The following COMMD10 variants were observed in gnomAD, a reference collection of about 807,000 sequenced individuals.
The protein encoded by COMMD10 is COMM domain containing 10.
COMMD10 carries 33 observed loss-of-function variants against 28.9 expected under a neutral mutation model. The observed-to-expected ratio is 1.14, with a 90% CI of 0.87 to 1.53. The LOEUF (loss-of-function observed/expected upper bound fraction) is 1.53. Among genes scored for constraint, COMMD10 ranks in the 40% most tolerant of loss-of-function variants. The pLI, the probability that COMMD10 is intolerant of heterozygous loss-of-function variation, is 0.00. For missense variants in COMMD10, 310 were observed against 233.4 expected, an observed-to-expected ratio of 1.33 and a Z score of -2.14; for synonymous variants, 110 against 81.7, an observed-to-expected ratio of 1.35 and a Z score of -1.87.
At chr5:116,275,156 C>T (rs1226022271) in intron 5 of COMMD10, among the ~76,000 whole-genome samples, 3 of 151,834 alleles carry the variant, frequency 2.0e-5, no homozygotes, top group Non-Finnish European at 4.4e-5. Context: ...CCTAACTCTT[C>T]ATCTCACCCA....
intron 5 of COMMD10, among the ~76,000 whole-genome samples, chr5:116,256,602 A>G (rs1750292330): frequency 6.6e-6 from 1 of 151,722 alleles, no homozygotes. Context: ...CTTATCCAAA[A>G]TGGTTGGAAC....
At chr5:116,259,963 T>G (rs1362127500) in intron 5 of COMMD10, among the ~76,000 whole-genome samples, 5 of 151,838 alleles carry the variant, frequency 3.3e-5, no homozygotes, top group Admixed American at 2.6e-4. Flanking sequence ...GCCTTTAAAC[T>G]AATCACATCT....
chr5:116,282,947 A>G (rs1393460155), intron 5 of COMMD10, among the ~76,000 whole-genome samples: 1 of 151,982 alleles, frequency 6.6e-6, no homozygotes, highest in Non-Finnish European at 1.5e-5. Flanking sequence ...CGAGGAATAA[A>G]CATGTACACA....
chr5:116,136,577 G>C (rs374333754), intron 5 of COMMD10, among the ~76,000 whole-genome samples: 1 of 152,270 alleles, frequency 6.6e-6, no homozygotes, highest in African/African-American at 2.4e-5. Flanking sequence ...GTATGCCTAT[G>C]TGTCTGTTAT....
intron 5 of COMMD10, among the ~76,000 whole-genome samples, chr5:116,260,032 A>AT (rs1162198050): frequency 2.0e-5 from 3 of 151,612 alleles, no homozygotes; most frequent in Non-Finnish European, 4.4e-5. Flanking sequence ...CAGTGGTATT[A>AT]TTTTCCTGCA....
At chr5:116,115,037 C>G (rs1381679705) in intron 4 of COMMD10, among the ~76,000 whole-genome samples, 6 of 152,120 alleles carry the variant, frequency 3.9e-5, no homozygotes, top group Admixed American at 1.3e-4. Context: ...TTGAGTTACT[C>G]TGATACTTAG....
chr5:116,143,295 G>T (rs539053058), intron 5 of COMMD10, among the ~76,000 whole-genome samples: 3 of 151,394 alleles, frequency 2.0e-5, no homozygotes, highest in African/African-American at 4.8e-5. Context: ...CAAAAATACT[G>T]TTTCAGATGC....
intron 5 of COMMD10, among the ~76,000 whole-genome samples, chr5:116,226,605 G>T (rs1483762409): frequency 6.6e-6 from 1 of 151,500 alleles, no homozygotes; most frequent in African/African-American, 2.4e-5. Flanking sequence ...TGGGGGACTT[G>T]GGACTAAAAA....
At chr5:116,258,447 T>G (rs37183) in intron 5 of COMMD10, among the ~76,000 whole-genome samples, 31,450 of 147,964 alleles carry the variant, frequency 0.21, 3,528 homozygotes, top group Admixed American at 0.31. Flanking sequence ...TTCTCTGGAT[T>G]GATTTTTTTT....
intron 4 of COMMD10, among the ~76,000 whole-genome samples, chr5:116,132,905 C>G (rs915386789): frequency 1.3e-5 from 2 of 151,880 alleles, no homozygotes; most frequent in Non-Finnish European, 2.9e-5. Flanking sequence ...TTCTTTTTAC[C>G]CATAACCTCT....
Position 116,260,477 on chromosome 5 carries a change from T to C in COMMD10, c.511-31040T>C, listed in dbSNP as rs1345238830. Among the ~76,000 whole-genome samples the C allele has an allele frequency of 3.3e-5, 5 of 151,992 alleles. No individual in the cohort carries two copies. In the South Asian group the frequency reaches 6.2e-4, roughly 19 times the overall value. On this transcript the variant is annotated intron_variant, in intron 5 of 6. Coordinates refer to ENST00000274458, the MANE Select transcript of COMMD10 (RefSeq NM_016144.4). ...AGTGTGGACCCATTTAAAGTAGGCATGTTATTTTCAAAAGTGCCATGGCAT... is the reference window on the plus strand; with the variant it reads ...AGTGTGGACCCATTTAAAGTAGGCACGTTATTTTCAAAAGTGCCATGGCAT...
chr5:116,085,809 A>T (rs1396812625), intron 1 of COMMD10, among the ~76,000 whole-genome samples: 1 of 152,206 alleles, frequency 6.6e-6, no homozygotes, highest in Non-Finnish European at 1.5e-5. Context: ...TAGGCAAAAT[A>T]GTGTTCGGAA....
chr5:116,203,231 G>A (rs1748718562), intron 5 of COMMD10, among the ~76,000 whole-genome samples: 1 of 152,048 alleles, frequency 6.6e-6, no homozygotes, highest in South Asian at 2.1e-4. Context: ...CAAGAAATAT[G>A]GGACTATGTG....
chr5:116,149,914 G>A (rs62385210), intron 5 of COMMD10, among the ~76,000 whole-genome samples: 47,466 of 151,494 alleles, frequency 0.31, 10,319 homozygotes, highest in African/African-American at 0.62. Flanking sequence ...TGGTGTTTTA[G>A]ACATGAAGTC....
At chr5:116,144,819 C>T (rs1302315065) in intron 5 of COMMD10, among the ~76,000 whole-genome samples, 2 of 151,606 alleles carry the variant, frequency 1.3e-5, no homozygotes, top group African/African-American at 2.4e-5. Context: ...AGGTAACTTT[C>T]GGAAATAGGA....
intron 5 of COMMD10, among the ~76,000 whole-genome samples, chr5:116,159,687 C>T (rs1752854846): frequency 6.6e-6 from 1 of 152,106 alleles, no homozygotes; most frequent in Admixed American, 6.5e-5. Flanking sequence ...ATTCCAAGTA[C>T]AGGCTGAGTG....
At chr5:116,187,480 T>A (rs1338312560) in intron 5 of COMMD10, among the ~76,000 whole-genome samples, 1 of 152,098 alleles carries the variant, frequency 6.6e-6, no homozygotes, top group Non-Finnish European at 1.5e-5. Context: ...TATTTTAGTG[T>A]AAAGATATTG....
intron 5 of COMMD10, among the ~76,000 whole-genome samples, chr5:116,182,603 TATTA>T (rs1420083167): frequency 8.5e-5 from 13 of 152,214 alleles, no homozygotes; most frequent in African/African-American, 2.4e-4. Context: ...ACACTAAGGT[TATTA>T]ATTAAGAGGA....
intron 5 of COMMD10, among the ~76,000 whole-genome samples, chr5:116,142,489 T>C (rs1752225378): frequency 6.6e-6 from 1 of 151,748 alleles, no homozygotes; most frequent in South Asian, 2.1e-4. Context: ...TAAACCAAAA[T>C]AAAACAAAAC....
Sources: allele counts gnomAD v4.1 joint callset (sites outside exome capture counted in the v4.1 genomes callset), GRCh38; gene constraint gnomAD v4.1.1; transcripts MANE v1.5; gene names NCBI Gene and HGNC (gene_info 2026-07-23, HGNC 2026-07-21).